DCDC1: variants seen among roughly 807,000 people sequenced by gnomAD.
The protein encoded by DCDC1 is doublecortin domain containing 1.
Under a neutral mutation model 178.3 loss-of-function variants are expected in DCDC1, and 200 were observed. The observed-to-expected ratio is 1.12, with a 90% CI of 1.00 to 1.26. The LOEUF is 1.26. Among genes scored for constraint, DCDC1 ranks in the 50% most tolerant of loss-of-function variants. DCDC1 has a pLI of 0.00. For missense variants in DCDC1, 1,983 were observed against 1,749.2 expected, an observed-to-expected ratio of 1.13 and a Z score of -2.38; for synonymous variants, 690 against 604.8, an observed-to-expected ratio of 1.14 and a Z score of -2.07.
At chr11:31,197,185 TC>T (rs1970792305) in intron 9 of DCDC1, among the ~76,000 whole-genome samples, 1 of 152,144 alleles carries the variant, frequency 6.6e-6, no homozygotes, top group South Asian at 2.1e-4. Flanking sequence ...TCTAAGTATT[TC>T]AAAAATATCT....
At chr11:31,258,602 A>C (rs1419598763) in intron 8 of DCDC1, among the ~76,000 whole-genome samples, 2 of 152,174 alleles carry the variant, frequency 1.3e-5, no homozygotes, top group African/African-American at 2.4e-5. Context: ...AGCATTAAAA[A>C]ACTGAGGAAA....
At chr11:31,061,868 A>G (rs1459362455) in intron 20 of DCDC1, among the ~76,000 whole-genome samples, 4 of 152,108 alleles carry the variant, frequency 2.6e-5, no homozygotes, top group Non-Finnish European at 5.9e-5. Flanking sequence ...GTCTTCTGGT[A>G]TGGCAGCTGA....
At chr11:31,212,779 C>T (rs1555121972) in intron 9 of DCDC1, among the ~76,000 whole-genome samples, 1 of 151,950 alleles carries the variant, frequency 6.6e-6, no homozygotes, top group Admixed American at 6.5e-5. Flanking sequence ...TTCAGTAATT[C>T]TAATTTTAGG....
At chr11:31,277,461 T>C (rs1946077740) in intron 7 of DCDC1, among the ~76,000 whole-genome samples, 1 of 152,280 alleles carries the variant, frequency 6.6e-6, no homozygotes, top group Middle Eastern at 3.4e-3. Flanking sequence ...CAGGATTGTA[T>C]TTAAGTGTAA....
chr11:31,242,333 C>T (rs1358889683), intron 8 of DCDC1, among the ~76,000 whole-genome samples: 2 of 151,864 alleles, frequency 1.3e-5, no homozygotes, highest in Non-Finnish European at 2.9e-5. Flanking sequence ...CATGTTTATA[C>T]ACTTTTTCAC....
At chr11:30,965,416 A>T (rs192940763) in intron 20 of DCDC1, among the ~76,000 whole-genome samples, 2 of 152,188 alleles carry the variant, frequency 1.3e-5, no homozygotes, top group Non-Finnish European at 2.9e-5. Context: ...GTATCTGTCC[A>T]ATCCCACAAT....
At chr11:31,066,764 C>T (rs1422237327) in intron 18 of DCDC1, among the ~76,000 whole-genome samples, 5 of 152,140 alleles carry the variant, frequency 3.3e-5, no homozygotes, top group Non-Finnish European at 7.4e-5. Flanking sequence ...TTAAACTATT[C>T]TGTATAATAC....
chr11:30,893,693 T>C (rs1210785793), intron 35 of DCDC1, among the ~76,000 whole-genome samples: 1 of 152,212 alleles, frequency 6.6e-6, no homozygotes, highest in Non-Finnish European at 1.5e-5. Flanking sequence ...AATAGGAACA[T>C]ATCATTTTGA....
At chr11:30,962,506 T>C (rs568543974) in intron 20 of DCDC1, among the ~76,000 whole-genome samples, 17 of 152,080 alleles carry the variant, frequency 1.1e-4, no homozygotes, top group Non-Finnish European at 1.6e-4. Context: ...ATTTATTTCA[T>C]CATAATTTCC....
intron 26 of DCDC1, among the ~76,000 whole-genome samples, chr11:30,916,158 T>C (rs1032887447): frequency 6.6e-6 from 1 of 152,154 alleles, no homozygotes; most frequent in Non-Finnish European, 1.5e-5. Context: ...ATTCTCCAAG[T>C]TTTTAACTCA....
intron 9 of DCDC1, among the ~76,000 whole-genome samples, chr11:31,201,393 AC>A (rs771522468): frequency 4.1e-4 from 62 of 152,094 alleles, no homozygotes; most frequent in Admixed American, 3.2e-3. Flanking sequence ...AAATATTCAT[AC>A]TAAAATATAG....
chr11:31,148,869 A>G (rs1964794719), intron 9 of DCDC1, among the ~76,000 whole-genome samples: 1 of 152,086 alleles, frequency 6.6e-6, no homozygotes, highest in Non-Finnish European at 1.5e-5. Flanking sequence ...ACTGTGCCCA[A>G]TATGTAGTAT....
chr11:31,016,809 G>A (rs1352542801), intron 20 of DCDC1, among the ~76,000 whole-genome samples: 2 of 152,142 alleles, frequency 1.3e-5, no homozygotes, highest in African/African-American at 2.4e-5. Flanking sequence ...TTCGACCTAG[G>A]CTTTGTGATT....
chr11:31,135,943 G>A (rs1271808485), intron 10 of DCDC1, among the ~76,000 whole-genome samples: 1 of 151,948 alleles, frequency 6.6e-6, no homozygotes, highest in Non-Finnish European at 1.5e-5. Flanking sequence ...GCCACTTCAA[G>A]TTTTTAGTCA....
At chr11:31,166,694 GTA>G (rs1292134303) in intron 9 of DCDC1, among the ~76,000 whole-genome samples, 5 of 152,106 alleles carry the variant, frequency 3.3e-5, no homozygotes, top group African/African-American at 1.2e-4. Flanking sequence ...AAGCAGAATA[GTA>G]TTTGTCTGTG....
chr11:30,869,702 G>C lies in DCDC1; in HGVS notation c.*41-4370C>G, dbSNP rs531133083. Among the ~76,000 whole-genome samples, 4 of 152,296 alleles carry C rather than the reference G, an allele frequency of 2.6e-5. No individual in the cohort carries two copies. In the South Asian group the frequency reaches 8.3e-4, roughly 32 times the overall value. On this transcript the variant is annotated intron_variant, in intron 38 of 38. Transcript: ENST00000684477. ...TGTGCAAAATCATGGAAGTAAGAGA[G>C]AATATACAATCTTGGGGAATGGGGA...
chr11:31,324,756 A>G (rs945425457), intron 3 of DCDC1, among the ~76,000 whole-genome samples: 1 of 152,164 alleles, frequency 6.6e-6, no homozygotes, highest in African/African-American at 2.4e-5. Flanking sequence ...AAAAATGTTT[A>G]TATTTCAAAA....
intron 3 of DCDC1, among the ~76,000 whole-genome samples, chr11:31,313,319 A>T: frequency 6.6e-6 from 1 of 152,192 alleles, no homozygotes; most frequent in East Asian, 1.9e-4. Context: ...TTACTTACTC[A>T]TTACTTTCCA....
intron 8 of DCDC1, among the ~76,000 whole-genome samples, chr11:31,257,270 A>C (rs1467159067): frequency 6.6e-6 from 1 of 152,198 alleles, no homozygotes; most frequent in Admixed American, 6.5e-5. Context: ...TGTGGATGAG[A>C]TAACATTAGA....
Sources: allele counts gnomAD v4.1 joint callset (sites outside exome capture counted in the v4.1 genomes callset), GRCh38; gene constraint gnomAD v4.1.1; transcripts MANE v1.5; gene names NCBI Gene and HGNC (gene_info 2026-07-23, HGNC 2026-07-21).